Variants in DHX36 observed in about 807,000 individuals in gnomAD.
DHX36 encodes the protein DEAH-box helicase 36, also known as ATP-dependent DNA/RNA helicase DHX36.
Under a neutral mutation model 139.0 loss-of-function variants are expected in DHX36, and 50 were observed. The observed-to-expected ratio is 0.36, with a 90% CI of 0.29 to 0.46. The LOEUF is 0.46. DHX36 is among the 20% of genes least tolerant of loss of function. The pLI is 1.00. For synonymous variants in DHX36, 425 were observed against 401.9 expected (o/e 1.06, Z -0.69); for missense variants, 1,024 against 1,211.3 (o/e 0.85, Z 2.29).
At chr3:154,289,214 T>C (rs1028249311) in intron 16 of DHX36, among the ~76,000 whole-genome samples, 41 of 152,186 alleles carry the variant, frequency 2.7e-4, no homozygotes, top group African/African-American at 9.7e-4. Flanking sequence ...AATGAACAAG[T>C]TGATTACCCA....
intron 20 of DHX36, 106 bp from the exon 21 acceptor site, chr3:154,280,968 A>G: frequency 1.2e-6 from 1 of 810,848 alleles, no homozygotes; most frequent in Non-Finnish European, 1.9e-6. Flanking sequence ...CTGCTTTATG[A>G]AAACACTTTA....
At position 154,295,310 on chromosome 3, in the gene DHX36, G is replaced by A. The variant is rs113658000; in HGVS notation, c.1579C>T (p.Leu527=). Residue 527 remains leucine (L), a synonymous_variant, in exon 13 of 25, where the codon CTG becomes TTG. Transcript: ENST00000496811. The part of the protein sequence containing the change: ...DKFLIIPLHS[L]MPTVNQTQVF... ...TGTGTCTGGTTAACTGTAGGCATCA[G>A]TGAATGTAAAGGTATAATTAAAAAT... The A allele has an allele frequency of 2.6e-4, 405 of 1,544,560 alleles. 2 individuals are homozygous for A. The African/African-American group carries it at 4.9e-3, about 19-fold the overall frequency.
At chr3:154,319,742 A>C (rs1421121707) in intron 1 of DHX36, among the ~76,000 whole-genome samples, 1 of 152,100 alleles carries the variant, frequency 6.6e-6, no homozygotes, top group Non-Finnish European at 1.5e-5. Flanking sequence ...GCTTGTTATA[A>C]ACCATTAAGA....
intron 1 of DHX36, among the ~76,000 whole-genome samples, chr3:154,320,724 C>T (rs901773492): frequency 6.6e-6 from 1 of 152,136 alleles, no homozygotes; most frequent in African/African-American, 2.4e-5. Flanking sequence ...ATCACAAAAT[C>T]ATTTTGAGTC....
intron 17 of DHX36, among the ~76,000 whole-genome samples, chr3:154,286,179 A>AAAC (rs550602881): frequency 0.62 from 68,961 of 110,508 alleles, 23,448 homozygotes; most frequent in Non-Finnish European, 0.71. Flanking sequence ...AAAAAAAAAA[A>AAAC]AAAAAAAAAA....
At chr3:154,297,222 A>C (rs992261047) in intron 12 of DHX36, among the ~76,000 whole-genome samples, 7 of 152,350 alleles carry the variant, frequency 4.6e-5, no homozygotes, top group African/African-American at 1.7e-4. Flanking sequence ...AAAAATGGGA[A>C]AATCTGATTA....
chr3:154,305,821 A>G lies in DHX36; in HGVS notation c.893+395T>C, dbSNP rs568801549. Among the ~76,000 whole-genome samples, 7 of 152,334 alleles carry G rather than the reference A, an allele frequency of 4.6e-5. 1 individual carries two copies. In the South Asian group the frequency reaches 1.4e-3, roughly 32 times the overall value. The stretch of plus-strand genomic sequence containing the variant: ...AGGCAAATGGAGTCCTAAGCTCCAG[A>G]AAAGGACCAACTATGTACTGCACAG... On this transcript the variant is annotated intron_variant, in intron 6 of 24. Coordinates refer to ENST00000496811, the MANE Select transcript of DHX36 (RefSeq NM_020865.3).
chr3:154,311,696 A>G (rs774950956), intron 3 of DHX36, 22 bp from the exon 4 acceptor site: 17 of 1,577,470 alleles, frequency 1.1e-5, no homozygotes, highest in Non-Finnish European at 1.5e-5. Context: ...AAAAAGTTTT[A>G]AATTTTCACA....
At chr3:154,310,030 C>T (rs1712670768) in intron 4 of DHX36, among the ~76,000 whole-genome samples, 1 of 151,986 alleles carries the variant, frequency 6.6e-6, no homozygotes, top group Non-Finnish European at 1.5e-5. Context: ...AGAACAAAGC[C>T]AAAGCACTGT....
At position 154,316,069 on chromosome 3, in the gene DHX36, T is replaced by C. The variant is rs1022716866; in HGVS notation, c.338A>G (p.Gln113Arg). The change falls in exon 2 of 25, where the codon CAG becomes CGG. Residue 113 changes from glutamine (Q) to arginine (R), a missense_variant. Gln to Arg is a conservative substitution (Grantham distance 43). This residue lies in a region of DHX36 where 293 missense variants were observed against 274.4 expected (regional missense o/e 1.07). Transcript: ENST00000496811. ...ATCCTCAGGAGCAAACCAGGATATC[T>C]GTGCTTCTGACTCTTTATCATTCTT... is the stretch of plus-strand genomic sequence containing the variant. ...QAKNDKESEA[Q>R]ISWFAPEDHG... The C allele has an allele frequency of 6.2e-7, 1 of 1,613,300 alleles. No individual in the cohort carries two copies. Among genetic ancestry groups the C allele is most frequent in the South Asian group, 1.1e-5 (1 of 91,018 alleles).
intron 12 of DHX36, among the ~76,000 whole-genome samples, chr3:154,296,750 C>G (rs1379847591): frequency 6.6e-6 from 1 of 152,022 alleles, no homozygotes; most frequent in Non-Finnish European, 1.5e-5. Flanking sequence ...GCTATACTTC[C>G]CCAGAAAAGA....
intron 13 of DHX36, 148 bp downstream of exon 13, chr3:154,295,136 T>C: frequency 4.1e-6 from 2 of 487,278 alleles, no homozygotes; most frequent in African/African-American, 4.1e-5. Flanking sequence ...GAAGACTCAT[T>C]TGCAAAGGTT....
rs1395162267 is a variant in DHX36 at position 154,295,321 on chromosome 3, G to A, written c.1568C>T (p.Pro523Leu). ...MFKSDKFLII[P>L]LHSLMPTVNQ... ...AACTGTAGGCATCAGTGAATGTAAA[G>A]GTATAATTAAAAATTTATCTGAAAA... The change falls in exon 13 of 25, where the codon CCT (proline) becomes CTT (leucine). Residue 523 changes from proline (P) to leucine (L), a missense_variant. Transcript: ENST00000496811. The A allele has an allele frequency of 6.6e-7, 1 of 1,525,958 alleles. No individual in the cohort carries two copies. Among genetic ancestry groups the A allele is most frequent in the Admixed American group, 1.9e-5 (1 of 51,350 alleles). 94.5% of individuals were successfully genotyped at this position (1,525,958 alleles called of 1,614,324 possible).
At position 154,300,637 on chromosome 3, in the gene DHX36, T is replaced by C; in HGVS notation, c.1418A>G (p.Asn473Ser). 1 of 1,613,900 alleles carries C rather than the reference T, an allele frequency of 6.2e-7. No homozygotes were observed. The highest frequency in any genetic ancestry group is 8.5e-7 in the Non-Finnish European group (1 of 1,179,908). ...EMMEDDKVDLNLIVALIRYIV... is the reference protein window; with the variant it reads ...EMMEDDKVDLSLIVALIRYIV... ...GTATCGGATGAGGGCAACAATCAAA[T>C]TCAGATCAACTTTATCATCCTCCAT... The change falls in exon 11 of 25, where the codon AAT (asparagine) becomes AGT (serine). Residue 473 changes from asparagine to serine, a missense_variant. Physicochemically the swap from Asn to Ser is conservative, Grantham distance 46 (BLOSUM62 1). Coordinates refer to ENST00000496811, the MANE Select transcript of DHX36 (RefSeq NM_020865.3).
At chr3:154,294,217 C>A (rs1576865777) in intron 13 of DHX36, among the ~76,000 whole-genome samples, 3 of 151,952 alleles carry the variant, frequency 2.0e-5, no homozygotes, top group Non-Finnish European at 2.9e-5. Context: ...CCCAGCAGAA[C>A]AAATGTCAAC....
At chr3:154,317,594 G>A (rs1269421268) in intron 1 of DHX36, among the ~76,000 whole-genome samples, 10 of 152,012 alleles carry the variant, frequency 6.6e-5, no homozygotes. Context: ...GTGAAGAAAG[G>A]TGTTAAAAAA....
At chr3:154,319,067 A>G (rs780357218) in intron 1 of DHX36, 2 of 152,182 alleles carry the variant, frequency 1.3e-5, no homozygotes, top group South Asian at 4.1e-4. Context: ...TGCTGCAGGT[A>G]GCAGAGAACA....
In DHX36 at chr3:154,300,060, T is replaced by G; in HGVS notation, c.1462-135A>C. Reference sequence around the variant, plus strand: ...ATTTTCGTTAATAATTAAAAGTATATAAGCTTTTTTTTTTTAATTATTGTT... The same window carrying G: ...ATTTTCGTTAATAATTAAAAGTATAGAAGCTTTTTTTTTTTAATTATTGTT... On this transcript the variant is annotated intron_variant, in intron 11 of 24. Transcript: ENST00000496811. 4 of 622,188 alleles carry G rather than the reference T, an allele frequency of 6.4e-6. No homozygotes were observed. The South Asian group carries it at 8.4e-5, about 13-fold the overall frequency. 38.5% of individuals were successfully genotyped at this position (622,188 alleles called of 1,614,324 possible).
intron 17 of DHX36, among the ~76,000 whole-genome samples, chr3:154,286,776 CAAG>C (rs140010973): frequency 0.13 from 19,377 of 151,614 alleles, 1,670 homozygotes; most frequent in South Asian, 0.25. Context: ...AACAAATCAC[CAAG>C]AAGGACCAAG....
Sources: allele counts gnomAD v4.1 joint callset (sites outside exome capture counted in the v4.1 genomes callset), GRCh38; gene constraint gnomAD v4.1.1; regional missense constraint gnomAD v4.1.1; transcripts MANE v1.5; gene names NCBI Gene and HGNC (gene_info 2026-07-23, HGNC 2026-07-21).